MICU1: variants seen among roughly 807,000 people sequenced by gnomAD.
The protein encoded by MICU1 is calcium uptake protein 1, mitochondrial.
MICU1 carries 45 observed loss-of-function variants against 56.8 expected under a neutral mutation model. The ratio of observed to expected loss-of-function variants is 0.79; its 90% CI spans 0.62 to 1.02. MICU1 has a LOEUF of 1.02. Among genes scored for constraint, MICU1 ranks in the 50% least tolerant of loss-of-function variants. The pLI is 0.00. For missense variants in MICU1, 504 were observed against 587.1 expected (o/e 0.86, Z 1.46); for synonymous variants, 186 against 195.1 (o/e 0.95, Z 0.39).
chr10:72,580,752 C>A (rs1840878726), intron 1 of MICU1, among the ~76,000 whole-genome samples: 1 of 152,236 alleles, frequency 6.6e-6, no homozygotes, highest in Non-Finnish European at 1.5e-5. Context: ...GCTGGGATTA[C>A]AGGCGTGAAC....
chr10:72,422,642 G>A (rs11000295), intron 9 of MICU1, among the ~76,000 whole-genome samples: 79,507 of 151,538 alleles, frequency 0.52, 22,726 homozygotes, highest in Non-Finnish European at 0.67. Flanking sequence ...GCTGTTATAT[G>A]TGACATGGTA....
chr10:72,513,790 T>C (rs1418394806), intron 5 of MICU1, among the ~76,000 whole-genome samples: 1 of 152,130 alleles, frequency 6.6e-6, no homozygotes. Flanking sequence ...CTTATACCAT[T>C]TGTTGAAATG....
At chr10:72,548,716 A>T (rs1034618905) in intron 4 of MICU1, among the ~76,000 whole-genome samples, 1 of 152,202 alleles carries the variant, frequency 6.6e-6, no homozygotes, top group Non-Finnish European at 1.5e-5. Context: ...TCTCTTTCTG[A>T]GACAGAGTCT....
At chr10:72,530,626 T>C (rs1385031790) in intron 5 of MICU1, among the ~76,000 whole-genome samples, 1 of 152,126 alleles carries the variant, frequency 6.6e-6, no homozygotes, top group Non-Finnish European at 1.5e-5. Context: ...CAATAGACTA[T>C]GCAAGTGCCA....
intron 1 of MICU1, among the ~76,000 whole-genome samples, chr10:72,611,892 C>G (rs1210795893): frequency 6.6e-6 from 1 of 151,072 alleles, no homozygotes; most frequent in Non-Finnish European, 1.5e-5. Context: ...GAAAATGAGG[C>G]AGATGGATCG....
chr10:72,556,617 G>A (rs931728941), intron 3 of MICU1, among the ~76,000 whole-genome samples: 14 of 152,040 alleles, frequency 9.2e-5, no homozygotes, highest in African/African-American at 1.7e-4. Flanking sequence ...GGGATTACAC[G>A]TGTGAGCCAC....
chr10:72,509,105 T>G (rs1225765580), intron 5 of MICU1, among the ~76,000 whole-genome samples: 2 of 152,208 alleles, frequency 1.3e-5, no homozygotes, highest in Non-Finnish European at 2.9e-5. Context: ...AGCATAAACT[T>G]AGTTGTGACA....
At chr10:72,532,954 C>A (rs1253900995) in intron 5 of MICU1, 53 of 1,251,270 alleles carry the variant, frequency 4.2e-5, no homozygotes, top group Non-Finnish European at 5.2e-5. Context: ...TTTTTACTAA[C>A]CCTGACCTCT....
Position 72,382,738 on chromosome 10 carries a change from G to A in MICU1, c.1181-6866C>T, listed in dbSNP as rs922981009. ...AGACTGGCCAACATGGCGAAACCCC[G>A]TCTCTACTAAAAATACAAAAATTAG... is the stretch of plus-strand genomic sequence containing the variant. On this transcript the variant is annotated intron_variant, in intron 10 of 11. Coordinates refer to ENST00000361114, the MANE Select transcript of MICU1 (RefSeq NM_001195518.2). Among the ~76,000 whole-genome samples, 8 of 151,940 alleles carry A rather than the reference G, an allele frequency of 5.3e-5. No individual in the cohort carries two copies. In the South Asian group the frequency reaches 8.3e-4, roughly 16 times the overall value.
At chr10:72,604,658 G>A (rs1031495522) in intron 1 of MICU1, among the ~76,000 whole-genome samples, 3 of 151,874 alleles carry the variant, frequency 2.0e-5, no homozygotes, top group Non-Finnish European at 2.9e-5. Context: ...CTTACTTGAA[G>A]ATGTTGTCTT....
At chr10:72,377,399 G>C (rs1048170674) in intron 10 of MICU1, among the ~76,000 whole-genome samples, 1 of 151,894 alleles carries the variant, frequency 6.6e-6, no homozygotes, top group African/African-American at 2.4e-5. Context: ...GGATTACAGG[G>C]GTGAGCCACC....
intron 11 of MICU1, 66 bp from the exon 12 acceptor site, chr10:72,368,421 C>A: frequency 6.5e-7 from 1 of 1,536,110 alleles, no homozygotes. Flanking sequence ...TGATATAATT[C>A]CATTGTCCAC....
chr10:72,478,474 C>T (rs1866190659), intron 6 of MICU1, among the ~76,000 whole-genome samples: 1 of 152,100 alleles, frequency 6.6e-6, no homozygotes, highest in Non-Finnish European at 1.5e-5. Flanking sequence ...ATTTATACAG[C>T]TCTAGAGAAT....
chr10:72,555,079 C>T (rs1435206731), intron 3 of MICU1, among the ~76,000 whole-genome samples: 3 of 152,020 alleles, frequency 2.0e-5, no homozygotes, highest in African/African-American at 4.8e-5. Flanking sequence ...TTCTATGTGA[C>T]GTTGAACAAT....
intron 5 of MICU1, among the ~76,000 whole-genome samples, chr10:72,509,642 G>A (rs955981881): frequency 1.3e-5 from 2 of 152,186 alleles, no homozygotes; most frequent in Non-Finnish European, 2.9e-5. Flanking sequence ...CTACTTAGAA[G>A]AACTTTGCTG....
chr10:72,581,694 C>A (rs1187051428), intron 1 of MICU1, among the ~76,000 whole-genome samples: 1 of 152,120 alleles, frequency 6.6e-6, no homozygotes, highest in African/African-American at 2.4e-5. Flanking sequence ...AGAGTAAATA[C>A]AAAAAACTTA....
At chr10:72,620,415 A>C (rs890987152) in intron 1 of MICU1, among the ~76,000 whole-genome samples, 1 of 152,072 alleles carries the variant, frequency 6.6e-6, no homozygotes, top group Non-Finnish European at 1.5e-5. Context: ...CGAACTCCTG[A>C]CCTCAAGTGA....
intron 5 of MICU1, among the ~76,000 whole-genome samples, chr10:72,521,299 G>C (rs1340883296): frequency 6.6e-6 from 1 of 152,066 alleles, no homozygotes; most frequent in Non-Finnish European, 1.5e-5. Flanking sequence ...AAACCGTGTT[G>C]ATGAAGGACT....
intron 5 of MICU1, among the ~76,000 whole-genome samples, chr10:72,517,272 G>A (rs1867675587): frequency 6.6e-6 from 1 of 152,066 alleles, no homozygotes; most frequent in Non-Finnish European, 1.5e-5. Flanking sequence ...CCACTACTGG[G>A]TATTTACTCA....
Sources: gnomAD v4.1 joint callset for allele counts (sites outside exome capture counted in the v4.1 genomes callset) on GRCh38, gnomAD v4.1.1 for gene constraint, MANE v1.5 for transcripts, NCBI Gene and HGNC (gene_info 2026-07-23, HGNC 2026-07-21) for gene names.